CORIN: variants seen among roughly 807,000 people sequenced by gnomAD.
The protein encoded by CORIN is corin, serine peptidase, also known as atrial natriuretic peptide-converting enzyme.
CORIN carries 117 observed loss-of-function variants against 125.3 expected under a neutral mutation model. That is an observed-to-expected ratio of 0.93 (90% CI 0.80 to 1.09). The LOEUF is 1.09. Among genes scored for constraint, CORIN ranks in the 50% least tolerant of loss-of-function variants. The pLI, the probability that CORIN is intolerant of heterozygous loss-of-function variation, is 0.00. For synonymous variants in CORIN, 450 were observed against 466.4 expected (o/e 0.96, Z 0.45); for missense variants, 1,253 against 1,306.7 (o/e 0.96, Z 0.63).
At chr4:47,700,716 C>A (rs1207517836) in intron 5 of CORIN, among the ~76,000 whole-genome samples, 1 of 152,222 alleles carries the variant, frequency 6.6e-6, no homozygotes, top group Non-Finnish European at 1.5e-5. Flanking sequence ...GGCTGCCCCA[C>A]ACAGCCATTC....
At position 47,600,345 on chromosome 4, in the gene CORIN, G is replaced by A. The variant is rs781416423; in HGVS notation, c.2815C>T (p.Pro939Ser). ...ACCTCTCCCTCTTGCAGCTTAAATG[G>A]CACTGAATTTTTAAAAAATAAGAAT... ...TGWGHMGNKM[P>S]FKLQEGEVRI... Residue 939 changes from proline to serine, a missense_variant and splice_region_variant, in exon 21 of 22, where the codon CCA (proline) becomes TCA (serine). Coordinates refer to ENST00000273857, the MANE Select transcript of CORIN (RefSeq NM_006587.4). 6.2e-6 allele frequency: 10 copies of A among 1,608,970 alleles called. No individual in the cohort carries two copies. The African/African-American group carries it at 1.2e-4, about 19-fold the overall frequency.
intron 4 of CORIN, among the ~76,000 whole-genome samples, chr4:47,748,042 T>C (rs1307533991): frequency 6.6e-6 from 1 of 152,172 alleles, no homozygotes; most frequent in African/African-American, 2.4e-5. Context: ...GAAAAATGTC[T>C]ACTGTGTTTC....
chr4:47,831,060 G>A (rs576870436), intron 1 of CORIN, among the ~76,000 whole-genome samples: 4 of 152,292 alleles, frequency 2.6e-5, no homozygotes, highest in Admixed American at 2.6e-4. Context: ...CAGCCTGTTG[G>A]CCGACTGGCC....
At chr4:47,684,846 G>C (rs887279418) in intron 6 of CORIN, among the ~76,000 whole-genome samples, 2 of 151,936 alleles carry the variant, frequency 1.3e-5, no homozygotes, top group East Asian at 3.9e-4. Context: ...CTTCATGAAA[G>C]ACATAAAAAC....
intron 5 of CORIN, among the ~76,000 whole-genome samples, chr4:47,739,502 G>A (rs1728287048): frequency 6.6e-6 from 1 of 151,952 alleles, no homozygotes; most frequent in South Asian, 2.1e-4. Flanking sequence ...AACAAAAGTG[G>A]AGAGAATTTG....
intron 5 of CORIN, among the ~76,000 whole-genome samples, chr4:47,730,110 C>T (rs983557181): frequency 2.6e-5 from 4 of 152,324 alleles, no homozygotes; most frequent in Admixed American, 6.5e-5. Flanking sequence ...CACTGGCTCC[C>T]TGCCCTTGCG....
At chr4:47,770,316 A>C (rs564225683) in intron 3 of CORIN, among the ~76,000 whole-genome samples, 1 of 152,272 alleles carries the variant, frequency 6.6e-6, no homozygotes, top group African/African-American at 2.4e-5. Context: ...ATTACCTCAT[A>C]CCTGTTAGGA....
intron 19 of CORIN, among the ~76,000 whole-genome samples, chr4:47,623,117 T>TATATATATATATACACACAC (rs141525347): frequency 1.5e-5 from 2 of 134,546 alleles, no homozygotes; most frequent in East Asian, 2.3e-4. Flanking sequence ...TATATATATA[T>TATATATATATATACACACAC]ACACACACAC....
chr4:47,780,136 C>G (rs1323799887), intron 3 of CORIN, among the ~76,000 whole-genome samples: 1 of 151,380 alleles, frequency 6.6e-6, no homozygotes, highest in Non-Finnish European at 1.5e-5. Context: ...AAGATACTAA[C>G]TTGAAGTATT....
intron 5 of CORIN, among the ~76,000 whole-genome samples, chr4:47,736,638 C>T (rs187113092): frequency 1.1e-4 from 17 of 152,290 alleles, no homozygotes; most frequent in African/African-American, 3.1e-4. Flanking sequence ...TCCTCCTACC[C>T]TCCACCTTCT....
At chr4:47,762,833 T>C (rs1577901113) in intron 4 of CORIN, among the ~76,000 whole-genome samples, 2 of 152,166 alleles carry the variant, frequency 1.3e-5, no homozygotes, top group South Asian at 4.2e-4. Context: ...TCCTTCCTTC[T>C]CTCTCACTGC....
intron 19 of CORIN, among the ~76,000 whole-genome samples, chr4:47,609,841 T>G (rs1721804285): frequency 6.6e-6 from 1 of 152,184 alleles, no homozygotes; most frequent in African/African-American, 2.4e-5. Flanking sequence ...CACTTATCAG[T>G]GAGAACATGT....
At chr4:47,801,622 G>A (rs113948166) in intron 2 of CORIN, among the ~76,000 whole-genome samples, 1,958 of 152,338 alleles carry the variant, frequency 0.013, 19 homozygotes, top group Non-Finnish European at 0.02. Flanking sequence ...GGGCACTTGG[G>A]AGAGGGAGAG....
intron 16 of CORIN, among the ~76,000 whole-genome samples, chr4:47,626,968 G>A (rs1226777590): frequency 1.4e-5 from 2 of 144,630 alleles, no homozygotes; most frequent in African/African-American, 5.1e-5. Context: ...TTCTATGTTT[G>A]TAGGTTGTTG....
Position 47,783,126 on chromosome 4 carries a change from C to T in CORIN, c.409+3599G>A, listed in dbSNP as rs535454757. 1.4e-4 allele frequency among the ~76,000 whole-genome samples: 22 copies of T among 151,874 alleles called. No homozygotes were observed. In the South Asian group the frequency reaches 2.5e-3, roughly 17 times the overall value. On this transcript the variant is annotated intron_variant, in intron 3 of 21. Transcript: ENST00000273857. ...TTATTGTGTTCCATATTATCTTTTA[C>T]CCAAAAGATCTTGGTTGGCAAAAGT...
At chr4:47,645,632 G>A (rs1723433876) in intron 13 of CORIN, among the ~76,000 whole-genome samples, 1 of 152,000 alleles carries the variant, frequency 6.6e-6, no homozygotes. Flanking sequence ...ACTCACGCCT[G>A]TAATCCCAGC....
chr4:47,815,255 A>G (rs1204326199), intron 1 of CORIN, among the ~76,000 whole-genome samples: 1 of 152,168 alleles, frequency 6.6e-6, no homozygotes, highest in Non-Finnish European at 1.5e-5. Context: ...TTAGTAAAGC[A>G]AAAGAAAAAT....
intron 1 of CORIN, among the ~76,000 whole-genome samples, chr4:47,810,580 A>G (rs928379212): frequency 1.8e-4 from 27 of 152,318 alleles, no homozygotes; most frequent in African/African-American, 5.5e-4. Context: ...CCACAAGTGT[A>G]TGCTATCTTG....
chr4:47,626,344 C>T, intron 17 of CORIN, 61 bp downstream of exon 17: 1 of 983,044 alleles, frequency 1.0e-6, no homozygotes, highest in Non-Finnish European at 1.6e-6. Flanking sequence ...GAAGAAAGGC[C>T]CAATGATAAA....
Sources: allele counts gnomAD v4.1 joint callset (sites outside exome capture counted in the v4.1 genomes callset), GRCh38; gene constraint gnomAD v4.1.1; transcripts MANE v1.5; gene names NCBI Gene and HGNC (gene_info 2026-07-23, HGNC 2026-07-21).